The following PTP4A1 variants were observed in gnomAD, a reference collection of about 807,000 sequenced individuals.
PTP4A1 encodes protein tyrosine phosphatase 4A1.
In PTP4A1, 9 loss-of-function variants were observed where a neutral mutation model predicts 20.5. That is an observed-to-expected ratio of 0.44 (90% CI 0.26 to 0.77). The LOEUF is 0.77. Among genes scored for constraint, PTP4A1 ranks in the 30% least tolerant of loss-of-function variants. The pLI, the probability that PTP4A1 is intolerant of heterozygous loss-of-function variation, is 0.19. For missense variants in PTP4A1, 137 were observed against 218.8 expected, an observed-to-expected ratio of 0.63 and a Z score of 2.36; for synonymous variants, 78 against 67.4, an observed-to-expected ratio of 1.16 and a Z score of -0.77.
chr6:63,524,946 AC>A lies in PTP4A1; in HGVS notation c.-905-2872del, dbSNP rs531848542. Among the ~76,000 whole-genome samples, 7 of 152,330 alleles carry A rather than the reference AC, an allele frequency of 4.6e-5. No homozygotes were observed. The East Asian group carries it at 1.3e-3, about 29-fold the overall frequency. ...TCATATAAGCATTTTTTATGAAAAA[AC>A]TTAAGAAAGTAAAATTAATTATTGA... is the stretch of plus-strand genomic sequence containing the variant. On this transcript the variant is annotated intron_variant, in intron 1 of 3. Transcript: ENST00000639568.
intron 2 of PTP4A1, among the ~76,000 whole-genome samples, chr6:63,528,562 A>C (rs1327982719): frequency 6.6e-6 from 1 of 151,946 alleles, no homozygotes; most frequent in Non-Finnish European, 1.5e-5. Flanking sequence ...TCATCTCTAC[A>C]AAAAATATAA....
chr6:63,540,553 G>A lies in PTP4A1; in HGVS notation c.-639-9747G>A, dbSNP rs181884051. ...TGAGAATCGCTTGAACCCAGGAGGC[G>A]GAGGTTGCAGTAAGCCAAGATTGCT... On this transcript the variant is annotated intron_variant, in intron 2 of 3. Transcript: ENST00000639568. 1.3e-3 allele frequency among the ~76,000 whole-genome samples: 193 copies of A among 152,108 alleles called. 2 individuals are homozygous for A. The highest frequency in any genetic ancestry group is 4.5e-3 in the African/African-American group (186 of 41,504).
At chr6:63,545,223 G>A (rs375745715) in intron 2 of PTP4A1, among the ~76,000 whole-genome samples, 5 of 152,168 alleles carry the variant, frequency 3.3e-5, no homozygotes, top group South Asian at 2.1e-4. Flanking sequence ...GCAACTGGAA[G>A]TCTCTTCAAG....
chr6:63,580,033 A>ATTTT (rs56188808), intron 5 of PTP4A1, 24 bp from the exon 6 acceptor site: 21 of 1,386,012 alleles, frequency 1.5e-5, no homozygotes, highest in Non-Finnish European at 1.8e-5. Context: ...GCCTTGTTTC[A>ATTTT]TTTTTTTTTT....
intron 2 of PTP4A1, among the ~76,000 whole-genome samples, chr6:63,547,133 C>T (rs973271318): frequency 2.0e-5 from 3 of 151,884 alleles, no homozygotes; most frequent in African/African-American, 7.3e-5. Context: ...AGATTAATCA[C>T]TCTCAAGAGA....
chr6:63,524,482 G>T (rs1267467896), intron 1 of PTP4A1, among the ~76,000 whole-genome samples: 2 of 151,948 alleles, frequency 1.3e-5, no homozygotes, highest in Non-Finnish European at 2.9e-5. Context: ...AGAACTTCAA[G>T]GTAGTATATG....
At chr6:63,526,810 T>TAC (rs1437404991) in intron 1 of PTP4A1, among the ~76,000 whole-genome samples, 4 of 136,872 alleles carry the variant, frequency 2.9e-5, no homozygotes, top group African/African-American at 1.2e-4. Context: ...AATGTATATA[T>TAC]ATATATATAT....
intron 2 of PTP4A1, among the ~76,000 whole-genome samples, chr6:63,528,672 G>A (rs1396492096): frequency 1.3e-5 from 2 of 152,066 alleles, no homozygotes; most frequent in Non-Finnish European, 2.9e-5. Context: ...GAAGTGGGAG[G>A]ATTACCTGAG....
At chr6:63,558,306 A>T (rs1182067704) in intron 3 of PTP4A1, among the ~76,000 whole-genome samples, 2 of 152,184 alleles carry the variant, frequency 1.3e-5, no homozygotes, top group African/African-American at 4.8e-5. Flanking sequence ...GGAGAGAAAG[A>T]AGCAGGGAAG....
chr6:63,552,295 A>AT (rs1776485950), intron 3 of PTP4A1, among the ~76,000 whole-genome samples: 1 of 151,908 alleles, frequency 6.6e-6, no homozygotes, highest in Admixed American at 6.6e-5. Flanking sequence ...GATGGTGAGC[A>AT]TTTTTTCATG....
chr6:63,526,944 T>A (rs918994043), intron 1 of PTP4A1, among the ~76,000 whole-genome samples: 1 of 151,784 alleles, frequency 6.6e-6, no homozygotes, highest in Non-Finnish European at 1.5e-5. Context: ...CATGATGTTA[T>A]GCACTTCTTC....
At chr6:63,542,640 T>C (rs892097599) in intron 2 of PTP4A1, among the ~76,000 whole-genome samples, 3 of 152,170 alleles carry the variant, frequency 2.0e-5, no homozygotes, top group African/African-American at 7.2e-5. Context: ...GCGCTTCACA[T>C]AGTTGACCAG....
At chr6:63,570,933 G>A (rs1346764973), upstream of PTP4A1, 1 of 152,046 alleles carries the variant, frequency 6.6e-6, no homozygotes, top group Non-Finnish European at 1.5e-5. Flanking sequence ...TCCCCAGCCT[G>A]CTTAGCTTTG....
In PTP4A1 at chr6:63,580,413, T is replaced by TTG; in HGVS notation, c.*241_*242dup. On this transcript the variant is annotated 3_prime_UTR_variant, in exon 6 of 6. Coordinates refer to ENST00000626021, the MANE Select transcript of PTP4A1 (RefSeq NM_003463.5). ...TCAGCATATAAAATGTGCTTGTCATTTGTATCAATTGACCTTTCCCCAAAT... is the reference window on the plus strand; with the variant it reads ...TCAGCATATAAAATGTGCTTGTCATTTGTGTATCAATTGACCTTTCCCCAAAT... 2.3e-6 allele frequency: 1 copy of TTG among 433,538 alleles called. No individual in the cohort carries two copies. Among genetic ancestry groups the TTG allele is most frequent in the Non-Finnish European group, 4.2e-6 (1 of 237,688 alleles). 26.9% of individuals were successfully genotyped at this position (433,538 alleles called of 1,614,324 possible). A position where few individuals can be genotyped will look rare whatever the true frequency, so the allele number is the denominator to read the frequency against.
At position 63,579,012 on chromosome 6, in the gene PTP4A1, G is replaced by A. The variant is rs755475012; in HGVS notation, c.313G>A (p.Val105Ile). Residue 105 changes from valine to isoleucine, a missense_variant, in exon 4 of 6, where the codon GTT (valine) becomes ATT (isoleucine). Val to Ile is a conservative substitution (Grantham distance 29). Coordinates refer to ENST00000626021, the MANE Select transcript of PTP4A1 (RefSeq NM_003463.5). Reference sequence around the variant, plus strand: ...TGGTTGTTGTATTGCTGTTCATTGCGTTGCAGGCCTTGGGAGGTAAATGAA... The same window carrying A: ...TGGTTGTTGTATTGCTGTTCATTGCATTGCAGGCCTTGGGAGGTAAATGAA... Reference protein sequence around the residue: ...EPGCCIAVHCVAGLGRAPVLV... With the variant: ...EPGCCIAVHCIAGLGRAPVLV... The A allele has an allele frequency of 3.1e-5, 49 of 1,597,436 alleles. No homozygotes were observed. The highest frequency in any genetic ancestry group is 3.9e-5 in the Non-Finnish European group (46 of 1,174,440).
intron 3 of PTP4A1, among the ~76,000 whole-genome samples, chr6:63,561,106 T>C (rs1561909417): frequency 6.6e-6 from 1 of 152,170 alleles, no homozygotes; most frequent in Non-Finnish European, 1.5e-5. Context: ...AACCAGAGCA[T>C]AAGAAAGTAA....
intron 1 of PTP4A1, among the ~76,000 whole-genome samples, chr6:63,525,948 T>C (rs147045904): frequency 6.6e-6 from 1 of 152,300 alleles, no homozygotes; most frequent in Admixed American, 6.5e-5. Context: ...TCTCTTCCAA[T>C]TGTCAATTGT....
At chr6:63,568,566 G>A (rs143141425), upstream of PTP4A1, among the ~76,000 whole-genome samples, 6 of 152,016 alleles carry the variant, frequency 3.9e-5, no homozygotes, top group East Asian at 1.2e-3. Flanking sequence ...TTACCAAGAT[G>A]TAACACAGAG....
intron 2 of PTP4A1, among the ~76,000 whole-genome samples, chr6:63,541,725 C>A (rs1322465215): frequency 1.3e-5 from 2 of 152,048 alleles, no homozygotes; most frequent in Non-Finnish European, 2.9e-5. Flanking sequence ...CATCCAACTC[C>A]ATTAAAAAAG....
Sources: gnomAD v4.1 joint callset for allele counts (sites outside exome capture counted in the v4.1 genomes callset) on GRCh38, gnomAD v4.1.1 for gene constraint, MANE v1.5 for transcripts, NCBI Gene and HGNC (gene_info 2026-07-23, HGNC 2026-07-21) for gene names.